UGGT2: variants seen among roughly 807,000 people sequenced by gnomAD.
UGGT2 encodes UDP-glucose glycoprotein glucosyltransferase 2.
A neutral mutation model predicts 192.1 loss-of-function variants in UGGT2; 180 were observed. That is an observed-to-expected ratio of 0.94 (90% confidence interval 0.83 to 1.06). UGGT2 has a LOEUF of 1.06. UGGT2 is among the 50% of genes least tolerant of loss of function. The pLI, the probability that UGGT2 is intolerant of heterozygous loss-of-function variation, is 0.00. For missense variants in UGGT2, 1,849 were observed against 1,795.7 expected (o/e 1.03, Z -0.54); for synonymous variants, 580 against 591.0 (o/e 0.98, Z 0.27).
intron 1 of UGGT2, among the ~76,000 whole-genome samples, chr13:96,038,782 A>G (rs1035292627): frequency 6.6e-6 from 1 of 152,100 alleles, no homozygotes; most frequent in African/African-American, 2.4e-5. Flanking sequence ...TACATAAAAT[A>G]TATTTCCCTT....
intron 30 of UGGT2, among the ~76,000 whole-genome samples, chr13:95,864,356 C>A (rs937249356): frequency 6.6e-6 from 1 of 152,030 alleles, no homozygotes; most frequent in Admixed American, 6.6e-5. Flanking sequence ...TATGGTGATT[C>A]TAAAACTTGA....
At chr13:95,944,833 T>C (rs1566737654) in intron 15 of UGGT2, among the ~76,000 whole-genome samples, 1 of 152,020 alleles carries the variant, frequency 6.6e-6, no homozygotes, top group Non-Finnish European at 1.5e-5. Flanking sequence ...CTTAAGTGTA[T>C]TGTTAAAATC....
chr13:95,904,630 A>G lies in UGGT2; in HGVS notation c.2296-1570T>C, dbSNP rs553940975. On this transcript the variant is annotated intron_variant, in intron 20 of 38. Transcript: ENST00000376747. ...TCCCTACAAAGGACATGAACTCATC[A>G]TTTTTTATGGCTGCATAGAATTCCA... 1.4e-3 allele frequency among the ~76,000 whole-genome samples: 210 copies of G among 152,004 alleles called. 1 individual carries two copies. Among genetic ancestry groups the G allele is most frequent in the African/African-American group, 4.7e-3 (196 of 41,450 alleles).
intron 23 of UGGT2, 66 bp downstream of exon 23, chr13:95,895,114 T>G: frequency 6.8e-7 from 1 of 1,466,190 alleles, no homozygotes; most frequent in Non-Finnish European, 9.1e-7. Flanking sequence ...CATTTTCTAA[T>G]CTTAAAAACA....
At position 95,996,115 on chromosome 13, in the gene UGGT2, C is replaced by T; in HGVS notation, c.778G>A (p.Glu260Lys). ...QVKTVTNTTV[E>K]DETETNEVQG... is the part of the protein sequence containing the mutation. ...ACTTCATTTGTTTCAGTCTCATCCTCTACAGTAGTATTAGTCACAGCTACA... is the reference window on the plus strand; with the variant it reads ...ACTTCATTTGTTTCAGTCTCATCCTTTACAGTAGTATTAGTCACAGCTACA... The change falls in exon 7 of 39, where the codon GAG becomes AAG. Residue 260 changes from glutamate to lysine, a missense_variant. Physicochemically the swap from Glu to Lys is moderately conservative, Grantham distance 56. Transcript: ENST00000376747. 1 of 1,613,080 alleles carries T rather than the reference C, an allele frequency of 6.2e-7. No individual in the cohort carries two copies. The highest frequency in any genetic ancestry group is 2.2e-5 in the East Asian group (1 of 44,820).
chr13:96,047,458 A>C (rs2053349994), intron 1 of UGGT2, among the ~76,000 whole-genome samples: 1 of 152,216 alleles, frequency 6.6e-6, no homozygotes, highest in African/African-American at 2.4e-5. Context: ...CCACACCAAA[A>C]TCCCATCTGT....
chr13:95,822,602 G>A (rs1473953285), intron 38 of UGGT2, among the ~76,000 whole-genome samples: 1 of 151,952 alleles, frequency 6.6e-6, no homozygotes, highest in African/African-American at 2.4e-5. Context: ...ACATGTAAAG[G>A]TGTTCATAGT....
At chr13:95,825,943 C>T (rs1434265892) in intron 38 of UGGT2, among the ~76,000 whole-genome samples, 1 of 152,118 alleles carries the variant, frequency 6.6e-6, no homozygotes, top group Non-Finnish European at 1.5e-5. Context: ...TGCTACTGCT[C>T]TTCTGTGTCC....
At chr13:95,871,588 AT>A (rs1292983634) in intron 29 of UGGT2, among the ~76,000 whole-genome samples, 1 of 152,182 alleles carries the variant, frequency 6.6e-6, no homozygotes, top group Non-Finnish European at 1.5e-5. Flanking sequence ...AGGATTGGGT[AT>A]TTGAGGACTG....
chr13:95,990,159 C>T (rs1321335943), intron 7 of UGGT2, 86 bp from the exon 8 acceptor site: 4 of 705,384 alleles, frequency 5.7e-6, no homozygotes, highest in Non-Finnish European at 8.8e-6. Flanking sequence ...TTACATATTC[C>T]ATGTAATTAG....
At chr13:95,863,333 C>A in intron 31 of UGGT2, 1 of 235,234 alleles carries the variant, frequency 4.3e-6, no homozygotes, top group Non-Finnish European at 8.2e-6. Flanking sequence ...CTTTTGAAAT[C>A]CTGTCTGTCC....
At chr13:95,933,601 G>T (rs1199009809) in intron 17 of UGGT2, among the ~76,000 whole-genome samples, 1 of 152,002 alleles carries the variant, frequency 6.6e-6, no homozygotes, top group Admixed American at 6.6e-5. Flanking sequence ...TGCTAGCTTT[G>T]AGGTTAGTTC....
intron 7 of UGGT2, 197 bp from the exon 8 acceptor site, chr13:95,990,270 T>C: frequency 3.1e-6 from 1 of 318,846 alleles, no homozygotes; most frequent in Non-Finnish European, 5.7e-6. Context: ...TCTCTTTTAT[T>C]AAATATATGA....
At chr13:96,035,654 T>C (rs1388755003) in intron 1 of UGGT2, among the ~76,000 whole-genome samples, 1 of 152,134 alleles carries the variant, frequency 6.6e-6, no homozygotes, top group Non-Finnish European at 1.5e-5. Context: ...TTCTGCAATG[T>C]ATCCATCTGA....
chr13:95,863,618 T>C lies in UGGT2; in HGVS notation c.3644+11A>G. On this transcript the variant is annotated intron_variant, in intron 31 of 38. Coordinates refer to ENST00000376747, the MANE Select transcript of UGGT2 (RefSeq NM_020121.4). ...ATCTAGTGATGTATTAAAATATTCA[T>C]TAGTAATTACCTTTTAATGGAATCC... 1 of 1,582,050 alleles carries C rather than the reference T, an allele frequency of 6.3e-7. No homozygotes were observed.
intron 15 of UGGT2, among the ~76,000 whole-genome samples, chr13:95,941,177 G>A (rs746987247): frequency 1.4e-4 from 22 of 152,282 alleles, no homozygotes; most frequent in Non-Finnish European, 3.2e-4. Flanking sequence ...GAAGGAACAA[G>A]TAGTAAGTAC....
At chr13:95,999,606 T>G (rs2140926698) in intron 5 of UGGT2, among the ~76,000 whole-genome samples, 1 of 152,284 alleles carries the variant, frequency 6.6e-6, no homozygotes, top group East Asian at 1.9e-4. Flanking sequence ...TTCAATGAGT[T>G]AATTAAACAG....
At chr13:96,015,470 A>C (rs2052306360) in intron 4 of UGGT2, among the ~76,000 whole-genome samples, 1 of 152,108 alleles carries the variant, frequency 6.6e-6, no homozygotes, top group Admixed American at 6.5e-5. Context: ...TAGACACATA[A>C]CTTTCAAAAT....
chr13:95,815,755 T>C (rs879355878), intron 38 of UGGT2, among the ~76,000 whole-genome samples: 9 of 152,166 alleles, frequency 5.9e-5, no homozygotes, highest in Admixed American at 2.6e-4. Flanking sequence ...AAAAAACTTA[T>C]AATATACAGA....
Sources: allele counts gnomAD v4.1 joint callset (sites outside exome capture counted in the v4.1 genomes callset), GRCh38; gene constraint gnomAD v4.1.1; transcripts MANE v1.5; gene names NCBI Gene and HGNC (gene_info 2026-07-23, HGNC 2026-07-21).